ONECUT3: variants seen among roughly 807,000 people sequenced by gnomAD.
ONECUT3 encodes one cut domain family member 3.
ONECUT3 carries 11 observed loss-of-function variants against 16.8 expected under a neutral mutation model. The observed-to-expected ratio is 0.66, with a 90% confidence interval of 0.41 to 1.09. ONECUT3 has a LOEUF of 1.09. Ranked by LOEUF, ONECUT3 falls within the 50% of genes least tolerant of loss-of-function variation. The pLI is 0.00. For missense variants in ONECUT3, 637 were observed against 629.9 expected (o/e 1.01, Z -0.12); for synonymous variants, 344 against 310.7 (o/e 1.11, Z -1.13).
In ONECUT3 at chr19:1,776,973, C is replaced by T. The variant is rs562092253; in HGVS notation, c.*1528C>T. On this transcript the variant is annotated 3_prime_UTR_variant, in exon 2 of 2. Coordinates refer to ENST00000382349, the MANE Select transcript of ONECUT3 (RefSeq NM_001080488.2). The surrounding 1 kb of genome is among the most constrained non-coding windows in gnomAD (Gnocchi z 4.9). ...CAGGATTCCCTGGCCTGGGACCCGG[C>T]TCGGGGCCCCGCCTGCCGAGTGCCA... 1 of 152,322 alleles carries T rather than the reference C, an allele frequency of 6.6e-6. No homozygotes were observed. The highest frequency in any genetic ancestry group is 2.4e-5 in the African/African-American group (1 of 41,550). The allele number at this position is 152,322 out of a possible 1,614,324, so 9.4% of individuals were successfully genotyped here. A position where few individuals can be genotyped will look rare whatever the true frequency, so the allele number is the denominator to read the frequency against.
In ONECUT3 at chr19:1,764,170, G is replaced by A. The variant is rs1018498581; in HGVS notation, c.1192+9316G>A. On this transcript the variant is annotated intron_variant, in intron 1 of 1. Transcript: ENST00000382349. This position sits in a 1 kb window ranked among gnomAD's most constrained non-coding sequence, Gnocchi z 5.0. Reference sequence around the variant, plus strand: ...AAAAATCAACGCCTTGTGCGTGCGTGTGTTTGCCCACTGGCTTTGCTCCTG... The same window carrying A: ...AAAAATCAACGCCTTGTGCGTGCGTATGTTTGCCCACTGGCTTTGCTCCTG... Among the ~76,000 whole-genome samples, 3 of 152,144 alleles carry A rather than the reference G, an allele frequency of 2.0e-5. No homozygotes were observed. Among genetic ancestry groups the A allele is most frequent in the African/African-American group, 4.8e-5 (2 of 41,416 alleles).
chr19:1,775,478 C>G lies in ONECUT3; in HGVS notation c.*33C>G, dbSNP rs1004502251. The G allele has an allele frequency of 1.4e-6, 2 of 1,432,168 alleles. No individual in the cohort carries two copies. Among genetic ancestry groups the G allele is most frequent in the African/African-American group, 3.0e-5 (2 of 65,878 alleles). 88.7% of individuals were successfully genotyped at this position (1,432,168 alleles called of 1,614,324 possible). ...CGGCCCCGCGCCCTCCCTGCCTCCA[C>G]GGCCTGGGCGCTGTGCCCCCACGTC... On this transcript the variant is annotated 3_prime_UTR_variant, in exon 2 of 2. Coordinates refer to ENST00000382349, the MANE Select transcript of ONECUT3 (RefSeq NM_001080488.2).
At chr19:1,763,317 T>C in intron 1 of ONECUT3, among the ~76,000 whole-genome samples, 1 of 132,832 alleles carries the variant, frequency 7.5e-6, no homozygotes. Flanking sequence ...TGAGCCGAGA[T>C]TGCACCATTG....
rs1402984696 is a variant in ONECUT3, at chr19:1,780,378, C to T, written c.*4933C>T. On this transcript the variant is annotated 3_prime_UTR_variant, in exon 2 of 2. Transcript: ENST00000382349. ...ACAATGTCCTCTGCCTCTGACTCCT[C>T]TTGTGCCATGAGGCCACGTCCCTGA... 6.6e-6 allele frequency: 1 copy of T among 152,332 alleles called. No homozygotes were observed. Among genetic ancestry groups the T allele is most frequent in the Non-Finnish European group, 1.5e-5 (1 of 68,124 alleles). The allele number at this position is 152,332 out of a possible 1,614,324, so 9.4% of individuals were successfully genotyped here.
In ONECUT3 at chr19:1,759,477, G is replaced by A. The variant is rs751686227; in HGVS notation, c.1192+4623G>A. 4.6e-5 allele frequency among the ~76,000 whole-genome samples: 7 copies of A among 151,948 alleles called. No homozygotes were observed. Among genetic ancestry groups the A allele is most frequent in the Non-Finnish European group, 7.4e-5 (5 of 67,976 alleles). On this transcript the variant is annotated intron_variant, in intron 1 of 1. Coordinates refer to ENST00000382349, the MANE Select transcript of ONECUT3 (RefSeq NM_001080488.2). The surrounding 1 kb of genome is among the most constrained non-coding windows in gnomAD (Gnocchi z 4.1). Reference sequence around the variant, plus strand: ...TCTGGATGAAGGGGAGGGATGAGCAGGGAGAGGAGGAGGAGGAGGAGAGGG... The same window carrying A: ...TCTGGATGAAGGGGAGGGATGAGCAAGGAGAGGAGGAGGAGGAGGAGAGGG...
rs188980692 is a variant in ONECUT3, at chr19:1,755,748, G to T, written c.1192+894G>T. ...ATCTCTTCTCCCTGTCGGTCTCTCCGCCTCTGTCTCTGTCTCATACTCAGC... is the reference window on the plus strand; with the variant it reads ...ATCTCTTCTCCCTGTCGGTCTCTCCTCCTCTGTCTCTGTCTCATACTCAGC... On this transcript the variant is annotated intron_variant, in intron 1 of 1. Coordinates refer to ENST00000382349, the MANE Select transcript of ONECUT3 (RefSeq NM_001080488.2). The surrounding 1 kb of genome is among the most constrained non-coding windows in gnomAD (Gnocchi z 7.5). Among the ~76,000 whole-genome samples, 6 of 152,162 alleles carry T rather than the reference G, an allele frequency of 3.9e-5. 1 individual carries two copies. Among genetic ancestry groups the T allele is most frequent in the Admixed American group, 1.3e-4 (2 of 15,282 alleles).
chr19:1,767,388 G>A (rs536571467), intron 1 of ONECUT3, among the ~76,000 whole-genome samples: 9 of 152,040 alleles, frequency 5.9e-5, no homozygotes, highest in African/African-American at 2.2e-4. Context: ...GGCCCAAGAG[G>A]GCAGCAGGTC....
intron 1 of ONECUT3, among the ~76,000 whole-genome samples, chr19:1,765,239 C>G (rs1202899006): frequency 6.6e-6 from 1 of 152,196 alleles, no homozygotes; most frequent in African/African-American, 2.4e-5. Flanking sequence ...CTCCACATCC[C>G]TCCCGTCCTG....
Position 1,764,717 on chromosome 19 carries a change from G to C in ONECUT3, c.1192+9863G>C, listed in dbSNP as rs1016342774. Among the ~76,000 whole-genome samples, 6 of 151,904 alleles carry C rather than the reference G, an allele frequency of 3.9e-5. No homozygotes were observed. The highest frequency in any genetic ancestry group is 1.5e-4 in the African/African-American group (6 of 41,314). ...GTGCAGGGTGTAGACAGAGGGTGTA[G>C]GTATGTGACCCGGGCCCCCCACAGT... is the stretch of plus-strand genomic sequence containing the variant. On this transcript the variant is annotated intron_variant, in intron 1 of 1. Transcript: ENST00000382349. This position sits in a 1 kb window ranked among gnomAD's most constrained non-coding sequence, Gnocchi z 5.0.
Position 1,753,752 on chromosome 19 carries a change from G to C in ONECUT3, c.90G>C (p.Ser30=), listed in dbSNP as rs1169658484. The change falls in exon 1 of 2, where the codon TCG becomes TCC. Residue 30 remains serine (S), a synonymous_variant. Coordinates refer to ENST00000382349, the MANE Select transcript of ONECUT3 (RefSeq NM_001080488.2). ...GELLSPGHAR[S]AAAQHRGLVA... ...TGCTGAGCCCGGGCCACGCGCGCTCGGCGGCGGCGCAGCACCGCGGCCTGG... is the reference window on the plus strand; with the variant it reads ...TGCTGAGCCCGGGCCACGCGCGCTCCGCGGCGGCGCAGCACCGCGGCCTGG... 2 of 1,012,880 alleles carry C rather than the reference G, an allele frequency of 2.0e-6. No individual in the cohort carries two copies. The highest frequency in any genetic ancestry group is 1.7e-5 in the African/African-American group (1 of 57,150). 62.7% of individuals were successfully genotyped at this position (1,012,880 alleles called of 1,614,324 possible).
At position 1,772,399 on chromosome 19, in the gene ONECUT3, A is replaced by G. The variant is rs1317916621; in HGVS notation, c.1193-2754A>G. Among the ~76,000 whole-genome samples, 8 of 151,742 alleles carry G rather than the reference A, an allele frequency of 5.3e-5. 1 individual carries two copies. Among genetic ancestry groups the G allele is most frequent in the Admixed American group, 3.3e-4 (5 of 15,230 alleles). The stretch of plus-strand genomic sequence containing the variant: ...GGAGTGCAGTGGTGAGATCATGCTC[A>G]CTGTAGCCTTGAACCCCCAGCCTCA... On this transcript the variant is annotated intron_variant, in intron 1 of 1. Transcript: ENST00000382349.
In ONECUT3 at chr19:1,762,053, G is replaced by A. The variant is rs1321963610; in HGVS notation, c.1192+7199G>A. Among the ~76,000 whole-genome samples the A allele has an allele frequency of 1.3e-5, 2 of 152,146 alleles. No homozygotes were observed. Among genetic ancestry groups the A allele is most frequent in the East Asian group, 3.9e-4 (2 of 5,186 alleles). On this transcript the variant is annotated intron_variant, in intron 1 of 1. Transcript: ENST00000382349. This position sits in a 1 kb window ranked among gnomAD's most constrained non-coding sequence, Gnocchi z 4.4. The stretch of plus-strand genomic sequence containing the variant: ...TAGACGCCTCCGTTCACACTGGGAC[G>A]AGTGCAGACTGACCCAGGACCCCCA...
intron 1 of ONECUT3, among the ~76,000 whole-genome samples, chr19:1,773,118 G>C (rs2068072068): frequency 6.6e-6 from 1 of 151,934 alleles, no homozygotes; most frequent in Non-Finnish European, 1.5e-5. Flanking sequence ...TTACTTAACA[G>C]CATCCTGTAC....
rs779613906 is a variant in ONECUT3 at position 1,754,753 on chromosome 19, A to G, written c.1091A>G (p.Lys364Arg). 4.5e-6 allele frequency: 7 copies of G among 1,569,508 alleles called. No individual in the cohort carries two copies. Among genetic ancestry groups the G allele is most frequent in the Non-Finnish European group, 6.0e-6 (7 of 1,160,382 alleles). The change falls in exon 1 of 2, where the codon AAG becomes AGG. Residue 364 changes from lysine (K) to arginine (R), a missense_variant. Lys to Arg is a conservative substitution (Grantham distance 26). Around this residue, in one of 3 missense-constraint regions of ONECUT3, gnomAD observed 183 missense variants for 188.3 expected, o/e 0.97. Transcript: ENST00000382349. This position sits in a 1 kb window ranked among gnomAD's most constrained non-coding sequence, Gnocchi z 7.4. ...GTLSDLLRNPKPWSKLKSGRE... is the reference protein window; with the variant it reads ...GTLSDLLRNPRPWSKLKSGRE... The stretch of plus-strand genomic sequence containing the variant: ...CTCTCCGACCTGCTGCGCAACCCCA[A>G]GCCGTGGAGCAAGCTCAAATCCGGC...
In ONECUT3 at chr19:1,777,298, CACACATGCAGACAA is replaced by C. The variant is rs1188217600; in HGVS notation, c.*1854_*1867del. On this transcript the variant is annotated 3_prime_UTR_variant, in exon 2 of 2. Transcript: ENST00000382349. ...CCCCCCACAGACACACATGCAGACA[CACACATGCAGACAA>C]CACGCAGACACACACATGCAGGCAC... The C allele has an allele frequency of 6.6e-6, 1 of 150,664 alleles. No homozygotes were observed. The highest frequency in any genetic ancestry group is 1.5e-5 in the Non-Finnish European group (1 of 67,064). 9.3% of individuals were successfully genotyped at this position (150,664 alleles called of 1,614,324 possible).
At chr19:1,761,620 G>A (rs2067946728) in intron 1 of ONECUT3, among the ~76,000 whole-genome samples, 1 of 152,208 alleles carries the variant, frequency 6.6e-6, no homozygotes, top group African/African-American at 2.4e-5. Context: ...GAGCCGGGCA[G>A]GTAGCCCGGC....
rs747817539 is a variant in ONECUT3 at position 1,775,132 on chromosome 19, CCGCCCGCCGCT to C, written c.1193-13_1193-3del. On this transcript the variant is annotated splice_polypyrimidine_tract_variant and intron_variant, in intron 1 of 1. Coordinates refer to ENST00000382349, the MANE Select transcript of ONECUT3 (RefSeq NM_001080488.2). The stretch of plus-strand genomic sequence containing the variant: ...GTGGCGCTGTGTCCCGCTCGCCCGC[CCGCCCGCCGCT>C]CGCCCGCAGCCTGCAAGCGCAAGGA... 233 of 1,268,972 alleles carry C rather than the reference CCGCCCGCCGCT, an allele frequency of 1.8e-4. 4 individuals carry two copies. Among genetic ancestry groups the C allele is most frequent in the Middle Eastern group, 2.7e-4 (1 of 3,770 alleles). The allele number at this position is 1,268,972 out of a possible 1,614,324, so 78.6% of individuals were successfully genotyped here.
Position 1,754,412 on chromosome 19 carries a change from G to A in ONECUT3, c.750G>A (p.Ala250=), listed in dbSNP as rs2067905506. Residue 250 remains alanine, a synonymous_variant, in exon 1 of 2, where the codon GCG becomes GCA. Transcript: ENST00000382349. This position sits in a 1 kb window ranked among gnomAD's most constrained non-coding sequence, Gnocchi z 7.4. The part of the protein sequence containing the change: ...LPPAAFEPHA[A]LLGRAEDALA... ...CCGCCGCCTTCGAGCCGCACGCCGC[G>A]CTGCTGGGACGCGCGGAGGACGCAC... 7.5e-6 allele frequency: 8 copies of A among 1,066,620 alleles called. No individual in the cohort carries two copies. Among genetic ancestry groups the A allele is most frequent in the Middle Eastern group, 4.4e-4 (1 of 2,268 alleles). 66.1% of individuals were successfully genotyped at this position (1,066,620 alleles called of 1,614,324 possible).
chr19:1,774,880 G>C (rs2068090462), intron 1 of ONECUT3, among the ~76,000 whole-genome samples: 1 of 149,054 alleles, frequency 6.7e-6, no homozygotes, highest in Non-Finnish European at 1.5e-5. Flanking sequence ...GCTGCATCCT[G>C]GACTTTCCTG....
Sources: allele counts gnomAD v4.1 joint callset (sites outside exome capture counted in the v4.1 genomes callset), GRCh38; gene constraint gnomAD v4.1.1; regional missense constraint gnomAD v4.1.1; non-coding constraint Gnocchi (gnomAD v3.1); transcripts MANE v1.5; gene names NCBI Gene and HGNC (gene_info 2026-07-23, HGNC 2026-07-21).